RALYL: variants seen among roughly 807,000 people sequenced by gnomAD.
RALYL encodes RNA-binding Raly-like protein.
In RALYL, 29 loss-of-function variants were observed where a neutral mutation model predicts 35.1. The observed-to-expected ratio is 0.83, with a 90% CI of 0.61 to 1.13. The LOEUF (loss-of-function observed/expected upper bound fraction) is 1.13, where lower values mean the gene tolerates loss of function less well. Ranked by LOEUF, RALYL falls within the 50% of genes most tolerant of loss-of-function variation. The pLI is 0.00. For missense variants in RALYL, 359 were observed against 360.4 expected (o/e 1.00, Z 0.03); for synonymous variants, 120 against 127.6 (o/e 0.94, Z 0.40).
intron 8 of RALYL, among the ~76,000 whole-genome samples, chr8:84,901,036 C>T (rs1451711043): frequency 3.3e-5 from 5 of 152,090 alleles, no homozygotes; most frequent in African/African-American, 1.2e-4. Context: ...GTTAGGTTTA[C>T]ACCTCCCACA....
chr8:84,368,264 A>G (rs1426423681), intron 1 of RALYL, among the ~76,000 whole-genome samples: 8 of 152,228 alleles, frequency 5.3e-5, no homozygotes, highest in Non-Finnish European at 1.0e-4. Flanking sequence ...AGATACAGAA[A>G]GATGTGTATA....
intron 8 of RALYL, among the ~76,000 whole-genome samples, chr8:84,912,981 A>AGGATGGATGGATGGAT (rs1191228454): frequency 9.9e-5 from 12 of 121,226 alleles, no homozygotes; most frequent in African/African-American, 3.2e-4. Context: ...GTGCAGACCC[A>AGGATGGATGGATGGAT]GGATGGATGG....
intron 1 of RALYL, among the ~76,000 whole-genome samples, chr8:84,250,813 G>T (rs989023392): frequency 1.3e-5 from 2 of 152,026 alleles, no homozygotes; most frequent in Non-Finnish European, 2.9e-5. Flanking sequence ...GAAAAATAGG[G>T]TGTAATGAAT....
At chr8:84,878,447 C>G (rs779751282) in intron 7 of RALYL, among the ~76,000 whole-genome samples, 18 of 152,038 alleles carry the variant, frequency 1.2e-4, no homozygotes, top group Non-Finnish European at 2.4e-4. Flanking sequence ...GACAGTATCT[C>G]TCTATACTTA....
In RALYL at chr8:84,620,435, G is replaced by T. The variant is rs201040902; in HGVS notation, c.256+90858G>T. 8.3e-4 allele frequency among the ~76,000 whole-genome samples: 125 copies of T among 150,150 alleles called. 1 individual carries two copies. Among genetic ancestry groups the T allele is most frequent in the African/African-American group, 2.8e-3 (112 of 39,596 alleles). On this transcript the variant is annotated intron_variant, in intron 2 of 8. Coordinates refer to ENST00000521268, the MANE Select transcript of RALYL (RefSeq NM_173848.7). ...TCACGTAGTTCTCGAGCCTTGGTTT[G>T]CAGCTCCATCAGCTCCTTTAGGCAC...
In RALYL at chr8:84,726,548, G is replaced by A. The variant is rs532158666; in HGVS notation, c.257-48031G>A. Among the ~76,000 whole-genome samples, 18 of 151,572 alleles carry A rather than the reference G, an allele frequency of 1.2e-4. 1 individual carries two copies. The South Asian group carries it at 3.5e-3, about 30-fold the overall frequency. ...TAGCACTATATCATTTCTAACAAGT[G>A]TTTATAAGGTAGAAATTGCCTTAAA... On this transcript the variant is annotated intron_variant, in intron 2 of 8. Transcript: ENST00000521268.
chr8:84,336,397 C>G (rs1847812614), intron 1 of RALYL, among the ~76,000 whole-genome samples: 1 of 151,412 alleles, frequency 6.6e-6, no homozygotes, highest in Non-Finnish European at 1.5e-5. Context: ...TCACTTTTTT[C>G]TTGACATGTA....
intron 2 of RALYL, among the ~76,000 whole-genome samples, chr8:84,649,691 G>A (rs1375205210): frequency 6.6e-6 from 1 of 152,076 alleles, no homozygotes; most frequent in Non-Finnish European, 1.5e-5. Context: ...TAGCCTTGTA[G>A]TATAGTTTGA....
intron 2 of RALYL, among the ~76,000 whole-genome samples, chr8:84,698,031 T>C (rs1027358617): frequency 6.6e-6 from 1 of 152,100 alleles, no homozygotes; most frequent in African/African-American, 2.4e-5. Context: ...GTTTTCTGAA[T>C]TTGGTTTCTT....
chr8:84,666,729 A>T (rs1027440123), intron 2 of RALYL, among the ~76,000 whole-genome samples: 4 of 152,040 alleles, frequency 2.6e-5, no homozygotes, highest in Admixed American at 6.6e-5. Flanking sequence ...TTTCTGTGCC[A>T]CCTTTCTTCC....
At chr8:84,520,437 T>C (rs866327528) in intron 1 of RALYL, among the ~76,000 whole-genome samples, 11 of 152,230 alleles carry the variant, frequency 7.2e-5, no homozygotes, top group Admixed American at 3.9e-4. Flanking sequence ...CTTCTTTAAG[T>C]CTCTTTTATT....
intron 1 of RALYL, among the ~76,000 whole-genome samples, chr8:84,238,597 G>T (rs538293135): frequency 1.3e-5 from 2 of 152,186 alleles, no homozygotes; most frequent in East Asian, 3.9e-4. Context: ...TGAAATTCAT[G>T]GTGAACCTGG....
At chr8:84,340,113 C>T (rs1441825225) in intron 1 of RALYL, among the ~76,000 whole-genome samples, 1 of 152,068 alleles carries the variant, frequency 6.6e-6, no homozygotes, top group Non-Finnish European at 1.5e-5. Flanking sequence ...TCCTCCTTTG[C>T]CTTTCACCGT....
At chr8:84,435,167 G>A (rs2047566004) in intron 1 of RALYL, among the ~76,000 whole-genome samples, 1 of 152,074 alleles carries the variant, frequency 6.6e-6, no homozygotes, top group Admixed American at 6.6e-5. Context: ...TTGATGTGGA[G>A]GATTCTGTGA....
chr8:84,752,175 CTTGTT>C (rs1810215426), intron 2 of RALYL, among the ~76,000 whole-genome samples: 1 of 152,144 alleles, frequency 6.6e-6, no homozygotes, highest in Non-Finnish European at 1.5e-5. Flanking sequence ...AAAGGTCACT[CTTGTT>C]ATGTATTAGC....
chr8:84,302,531 G>T (rs1841005288), intron 1 of RALYL, among the ~76,000 whole-genome samples: 1 of 152,066 alleles, frequency 6.6e-6, no homozygotes, highest in Non-Finnish European at 1.5e-5. Flanking sequence ...TATTAATTTG[G>T]AAATTTTATC....
intron 1 of RALYL, among the ~76,000 whole-genome samples, chr8:84,284,299 A>C (rs991061367): frequency 6.6e-6 from 1 of 152,188 alleles, no homozygotes; most frequent in Non-Finnish European, 1.5e-5. Context: ...AGTTATTTTC[A>C]GAAAGTCAAG....
intron 4 of RALYL, among the ~76,000 whole-genome samples, chr8:84,837,457 A>G (rs1206969239): frequency 1.3e-5 from 2 of 152,166 alleles, no homozygotes; most frequent in African/African-American, 2.4e-5. Flanking sequence ...ATTATATTTT[A>G]ATGAAGTTCG....
intron 2 of RALYL, among the ~76,000 whole-genome samples, chr8:84,572,105 G>A (rs181713186): frequency 1.6e-4 from 25 of 151,854 alleles, no homozygotes; most frequent in African/African-American, 5.8e-4. Context: ...ATGTCCATTG[G>A]GTCCACTTGG....
Sources: allele counts gnomAD v4.1 joint callset (sites outside exome capture counted in the v4.1 genomes callset), GRCh38; gene constraint gnomAD v4.1.1; transcripts MANE v1.5; gene names NCBI Gene and HGNC (gene_info 2026-07-23, HGNC 2026-07-21).